The following THRAP3 variants were observed in gnomAD, a reference collection of about 807,000 sequenced individuals.
The protein encoded by THRAP3 is thyroid hormone receptor associated protein 3.
Under a neutral mutation model 101.0 loss-of-function variants are expected in THRAP3, and 16 were observed. The ratio of observed to expected loss-of-function variants is 0.16; its 90% CI spans 0.11 to 0.24. The LOEUF (loss-of-function observed/expected upper bound fraction) is 0.24, where lower values mean the gene tolerates loss of function less well. Ranked by LOEUF, THRAP3 falls within the 10% of genes least tolerant of loss-of-function variation. The pLI is 1.00. For synonymous variants in THRAP3, 407 were observed against 422.6 expected, an observed-to-expected ratio of 0.96 and a Z score of 0.45; for missense variants, 989 against 1,202.7, an observed-to-expected ratio of 0.82 and a Z score of 2.63.
In THRAP3 at chr1:36,304,272, C is replaced by T. The variant is rs1646068149; in HGVS notation, c.*255C>T. 1 of 339,594 alleles carries T rather than the reference C, an allele frequency of 2.9e-6. No individual in the cohort carries two copies. The highest frequency in any genetic ancestry group is 5.2e-6 in the Non-Finnish European group (1 of 190,598). 21.0% of individuals were successfully genotyped at this position (339,594 alleles called of 1,614,324 possible). On this transcript the variant is annotated 3_prime_UTR_variant, in exon 12 of 12. Transcript: ENST00000354618. Reference sequence around the variant, plus strand: ...CGCATTGGGCTTTAGCTGTTTTTCTCATTTGTTGGTGTGTGGGGTGGGGGC... The same window carrying T: ...CGCATTGGGCTTTAGCTGTTTTTCTTATTTGTTGGTGTGTGGGGTGGGGGC...
intron 1 of THRAP3, among the ~76,000 whole-genome samples, chr1:36,229,359 G>A (rs1447670533): frequency 4.7e-5 from 7 of 149,688 alleles, no homozygotes; most frequent in Non-Finnish European, 7.4e-5. Context: ...GCCTCCCAAA[G>A]TGCTGGGATT....
intron 1 of THRAP3, among the ~76,000 whole-genome samples, chr1:36,252,965 T>A (rs1363827179): frequency 1.9e-4 from 25 of 129,972 alleles, no homozygotes; most frequent in Non-Finnish European, 3.6e-4. Flanking sequence ...TATATATATA[T>A]ATATAAATGT....
intron 1 of THRAP3, among the ~76,000 whole-genome samples, chr1:36,232,299 C>A (rs911090570): frequency 2.0e-5 from 3 of 152,078 alleles, no homozygotes. Flanking sequence ...GCTTTGTATA[C>A]TCATAAGTTC....
In THRAP3 at chr1:36,289,687, A is replaced by G; in HGVS notation, c.1668A>G (p.Thr556=). ...DKLGAKGDFP[T]GKSSFSITRE... ...TGGGAGCGAAAGGAGATTTTCCCAC[A>G]GGAAAGTCTTCCTTTTCCATTACTC... Residue 556 remains threonine, a synonymous_variant, in exon 5 of 12, where the codon ACA becomes ACG. Transcript: ENST00000354618. 1 of 1,614,174 alleles carries G rather than the reference A, an allele frequency of 6.2e-7. No homozygotes were observed. The highest frequency in any genetic ancestry group is 8.5e-7 in the Non-Finnish European group (1 of 1,180,018).
intron 1 of THRAP3, among the ~76,000 whole-genome samples, chr1:36,242,758 T>C (rs1557812361): frequency 6.6e-6 from 1 of 152,204 alleles, no homozygotes; most frequent in Non-Finnish European, 1.5e-5. Context: ...CCCTCTGTTT[T>C]GATTTTCTAA....
At chr1:36,266,766 G>A (rs1409844388) in intron 2 of THRAP3, among the ~76,000 whole-genome samples, 1 of 152,200 alleles carries the variant, frequency 6.6e-6, no homozygotes, top group East Asian at 1.9e-4. Context: ...AGTCAGAGAA[G>A]GTAGGTGGCC....
At chr1:36,223,764 A>T (rs1186188141), upstream of THRAP3, among the ~76,000 whole-genome samples, 1 of 152,148 alleles carries the variant, frequency 6.6e-6, no homozygotes, top group African/African-American at 2.4e-5. Flanking sequence ...GACAGTCAGA[A>T]AATCATAGTT....
chr1:36,299,700 G>A (rs1038998913), intron 9 of THRAP3, among the ~76,000 whole-genome samples: 1 of 151,936 alleles, frequency 6.6e-6, no homozygotes, highest in African/African-American at 2.4e-5. Context: ...GTAGAGATGG[G>A]GTTTCGCCAT....
At chr1:36,269,446 T>C (rs557717970) in intron 2 of THRAP3, among the ~76,000 whole-genome samples, 12 of 152,344 alleles carry the variant, frequency 7.9e-5, no homozygotes, top group African/African-American at 2.6e-4. Context: ...GAGCCTCCAC[T>C]GGGAATGACA....
chr1:36,277,978 G>A (rs1645682504), intron 2 of THRAP3, among the ~76,000 whole-genome samples: 1 of 151,432 alleles, frequency 6.6e-6, no homozygotes, highest in African/African-American at 2.4e-5. Flanking sequence ...TGCTGGGCTG[G>A]TCTTGAACTC....
chr1:36,247,917 C>T (rs1238616837), intron 1 of THRAP3, among the ~76,000 whole-genome samples: 2 of 148,054 alleles, frequency 1.4e-5, no homozygotes, highest in Non-Finnish European at 3.0e-5. Context: ...CTCTGTCACC[C>T]CGCCCAGGCT....
intron 9 of THRAP3, 69 bp downstream of exon 9, chr1:36,296,839 A>C (rs1395491349): frequency 1.5e-6 from 2 of 1,299,080 alleles, no homozygotes; most frequent in Non-Finnish European, 2.1e-6. Context: ...GCTATACACC[A>C]GAACTTTCAA....
At chr1:36,277,069 A>C (rs1645670607) in intron 2 of THRAP3, among the ~76,000 whole-genome samples, 1 of 151,626 alleles carries the variant, frequency 6.6e-6, no homozygotes, top group African/African-American at 2.4e-5. Flanking sequence ...CCCAGGTTCA[A>C]GTGATTCTCC....
At chr1:36,287,365 T>A in intron 4 of THRAP3, 95 bp downstream of exon 4, 1 of 1,419,654 alleles carries the variant, frequency 7.0e-7, no homozygotes, top group Non-Finnish European at 9.3e-7. Flanking sequence ...TGATTAATGG[T>A]AAAAGGTAAT....
At chr1:36,264,558 C>T (rs1645488029) in intron 2 of THRAP3, among the ~76,000 whole-genome samples, 3 of 152,226 alleles carry the variant, frequency 2.0e-5, no homozygotes, top group South Asian at 2.1e-4. Flanking sequence ...TGTATTTCCT[C>T]ACCTAACACC....
chr1:36,220,972 A>AAAAAAAAATATAT (rs1285765741), upstream of THRAP3, among the ~76,000 whole-genome samples: 3 of 94,124 alleles, frequency 3.2e-5, no homozygotes, highest in African/African-American at 1.4e-4. Flanking sequence ...AAAAAAAAAA[A>AAAAAAAAATATAT]ATATATATAT....
intron 8 of THRAP3, among the ~76,000 whole-genome samples, chr1:36,295,104 T>C (rs1022937444): frequency 6.6e-6 from 1 of 151,686 alleles, no homozygotes; most frequent in Non-Finnish European, 1.5e-5. Context: ...ATGCCTGTAA[T>C]CCCAGCTACC....
chr1:36,300,771 C>A, intron 9 of THRAP3, 115 bp from the exon 10 acceptor site: 1 of 1,006,168 alleles, frequency 9.9e-7, no homozygotes, highest in African/African-American at 1.6e-5. Context: ...TACTCATCAT[C>A]AGTTTCTTCC....
chr1:36,300,232 C>T (rs371005644), intron 9 of THRAP3, among the ~76,000 whole-genome samples: 1 of 152,196 alleles, frequency 6.6e-6, no homozygotes, highest in Non-Finnish European at 1.5e-5. Context: ...GGCTTAGTCA[C>T]ACAACCTGTT....
Sources: gnomAD v4.1 joint callset for allele counts (sites outside exome capture counted in the v4.1 genomes callset) on GRCh38, gnomAD v4.1.1 for gene constraint, MANE v1.5 for transcripts, NCBI Gene and HGNC (gene_info 2026-07-23, HGNC 2026-07-21) for gene names.